GSE1: variants seen among roughly 807,000 people sequenced by gnomAD.
GSE1 encodes genetic suppressor element 1.
In GSE1, 32 loss-of-function variants were observed where a neutral mutation model predicts 112.6. The observed-to-expected ratio is 0.28, with a 90% CI of 0.21 to 0.38. The LOEUF is 0.38. Ranked by LOEUF, GSE1 falls within the 10% of genes least tolerant of loss-of-function variation. GSE1 has a pLI of 1.00. For synonymous variants in GSE1, 1,115 were observed against 735.6 expected, an observed-to-expected ratio of 1.52 and a Z score of -8.35; for missense variants, 2,348 against 1,699.2, an observed-to-expected ratio of 1.38 and a Z score of -6.71.
intron 2 of GSE1, among the ~76,000 whole-genome samples, chr16:85,528,219 T>TG (rs951399370): frequency 5.3e-5 from 8 of 152,252 alleles, no homozygotes; most frequent in Admixed American, 2.6e-4. Context: ...GATCAACAGA[T>TG]GAATATGTGT....
At chr16:85,484,237 C>T (rs868740687) in intron 2 of GSE1, among the ~76,000 whole-genome samples, 1 of 152,228 alleles carries the variant, frequency 6.6e-6, no homozygotes. Flanking sequence ...CACACACCTG[C>T]CTCTCTGCCT....
In GSE1 at chr16:85,654,904, C is replaced by T. The variant is rs373644928; in HGVS notation, c.710C>T (p.Pro237Leu). 1 of 1,611,894 alleles carries T rather than the reference C, an allele frequency of 6.2e-7. No homozygotes were observed. The highest frequency in any genetic ancestry group is 8.5e-7 in the Non-Finnish European group (1 of 1,179,568). ...TTDDLRMSSLPPLGLDPATAA... is the reference protein window; with the variant it reads ...TTDDLRMSSLLPLGLDPATAA... The stretch of plus-strand genomic sequence containing the variant: ...GACGACCTCCGCATGTCCTCACTGC[C>T]TCCCCTCGGCCTGGACCCGGCCACT... The change falls in exon 5 of 16, where the codon CCT becomes CTT. Residue 237 changes from proline to leucine, a missense_variant. Pro to Leu is a moderately conservative substitution (Grantham distance 98). Transcript: ENST00000253458.
chr16:85,561,945 C>G (rs1330474836), intron 1 of GSE1, among the ~76,000 whole-genome samples: 2 of 152,202 alleles, frequency 1.3e-5, no homozygotes, highest in African/African-American at 4.8e-5. Flanking sequence ...CAGGCTGGAA[C>G]CCAACTCCCA....
At chr16:85,234,340 G>A (rs755290855) in intron 1 of GSE1, among the ~76,000 whole-genome samples, 19 of 152,088 alleles carry the variant, frequency 1.2e-4, no homozygotes, top group Non-Finnish European at 2.2e-4. Context: ...CACCATCTTG[G>A]TCTTGGTCTG....
chr16:85,399,638 G>C (rs1264306100), intron 2 of GSE1, among the ~76,000 whole-genome samples: 2 of 152,210 alleles, frequency 1.3e-5, no homozygotes, highest in African/African-American at 2.4e-5. Context: ...CAAGCTTCGT[G>C]TCCTCAGCAC....
In GSE1 at chr16:85,413,189, G is replaced by A. The variant is rs571907479; in HGVS notation, c.2464+55546G>A. On this transcript the variant is annotated intron_variant, in intron 2 of 2. Transcript: ENST00000637419. Reference sequence around the variant, plus strand: ...GCACGTGGAAGTGCCGCTCCCATCCGGGCAGCGGCCGCTGTGAGTGAGGTT... The same window carrying A: ...GCACGTGGAAGTGCCGCTCCCATCCAGGCAGCGGCCGCTGTGAGTGAGGTT... 4.3e-4 allele frequency among the ~76,000 whole-genome samples: 66 copies of A among 152,328 alleles called. 1 individual carries two copies. Among genetic ancestry groups the A allele is most frequent in the Admixed American group, 1.8e-3 (27 of 15,300 alleles).
intron 1 of GSE1, among the ~76,000 whole-genome samples, chr16:85,304,257 T>C (rs947022379): frequency 6.6e-6 from 1 of 152,208 alleles, no homozygotes; most frequent in Non-Finnish European, 1.5e-5. Context: ...ATCACTCGGC[T>C]GCGTGGTGGA....
At chr16:85,280,968 G>T (rs981531612) in intron 1 of GSE1, among the ~76,000 whole-genome samples, 2 of 152,268 alleles carry the variant, frequency 1.3e-5, no homozygotes, top group Admixed American at 1.3e-4. Context: ...TCCCATCTGG[G>T]TTTGCTCCAG....
chr16:85,473,458 G>C (rs948938364), intron 2 of GSE1, among the ~76,000 whole-genome samples: 1 of 152,170 alleles, frequency 6.6e-6, no homozygotes, highest in African/African-American at 2.4e-5. Flanking sequence ...AGTTCAGGAG[G>C]CTGGAAGTGT....
intron 2 of GSE1, among the ~76,000 whole-genome samples, chr16:85,533,017 C>T (rs1483034622): frequency 1.3e-5 from 2 of 152,178 alleles, no homozygotes; most frequent in South Asian, 2.1e-4. Flanking sequence ...AGGTGTCGGC[C>T]GCTGCCTGTC....
chr16:85,473,113 A>G (rs1441917686), intron 2 of GSE1, among the ~76,000 whole-genome samples: 2 of 152,382 alleles, frequency 1.3e-5, no homozygotes, highest in East Asian at 3.9e-4. Flanking sequence ...GGAGATCAGC[A>G]GGAAGCGGGA....
intron 1 of GSE1, among the ~76,000 whole-genome samples, chr16:85,251,047 G>A (rs892878570): frequency 7.2e-5 from 11 of 152,188 alleles, no homozygotes; most frequent in Admixed American, 5.2e-4. Context: ...GCCACGTCTC[G>A]TTATCTGTTC....
intron 1 of GSE1, among the ~76,000 whole-genome samples, chr16:85,247,722 A>G (rs1394675416): frequency 6.6e-6 from 1 of 151,834 alleles, no homozygotes; most frequent in African/African-American, 2.4e-5. Context: ...CTTTCACTTC[A>G]TTGCTGCCCC....
At chr16:85,506,110 C>T (rs1169942901) in intron 2 of GSE1, among the ~76,000 whole-genome samples, 1 of 152,128 alleles carries the variant, frequency 6.6e-6, no homozygotes, top group Admixed American at 6.5e-5. Flanking sequence ...CCTGCAGACA[C>T]CAGCTATTGT....
chr16:85,399,483 C>G (rs1288669987), intron 2 of GSE1, among the ~76,000 whole-genome samples: 2 of 152,254 alleles, frequency 1.3e-5, no homozygotes, highest in African/African-American at 4.8e-5. Context: ...GAGAACGTTG[C>G]TGATGCGGTT....
upstream of GSE1, chr16:85,555,300 G>C (rs1052394511): frequency 3.0e-6 from 3 of 985,298 alleles, no homozygotes; most frequent in Non-Finnish European, 3.6e-6. Flanking sequence ...CTTCTGCCCA[G>C]GCGCCAGAGC....
chr16:85,343,603 C>T (rs2046670013), intron 1 of GSE1, among the ~76,000 whole-genome samples: 2 of 152,030 alleles, frequency 1.3e-5, no homozygotes, highest in South Asian at 4.2e-4. Flanking sequence ...AAATAATTAG[C>T]AGGGCATATG....
At chr16:85,175,279 G>A (rs1354671361) in intron 1 of GSE1, among the ~76,000 whole-genome samples, 1 of 152,178 alleles carries the variant, frequency 6.6e-6, no homozygotes, top group East Asian at 1.9e-4. Context: ...CGCCAGGGCT[G>A]TGTCTGGGGT....
At chr16:85,393,225 C>T (rs899709812) in intron 2 of GSE1, among the ~76,000 whole-genome samples, 15 of 152,200 alleles carry the variant, frequency 9.9e-5, no homozygotes, top group African/African-American at 2.7e-4. Flanking sequence ...ACTGTGATTA[C>T]GCCACTTCAC....
Sources: gnomAD v4.1 joint callset for allele counts (sites outside exome capture counted in the v4.1 genomes callset) on GRCh38, gnomAD v4.1.1 for gene constraint, MANE v1.5 for transcripts, NCBI Gene and HGNC (gene_info 2026-07-23, HGNC 2026-07-21) for gene names.